The following SLC24A4 variants were observed in gnomAD, a reference collection of about 807,000 sequenced individuals.
SLC24A4 encodes sodium/potassium/calcium exchanger 4.
SLC24A4 carries 53 observed loss-of-function variants against 79.0 expected under a neutral mutation model. That is an observed-to-expected ratio of 0.67 (90% CI 0.54 to 0.84). The LOEUF (loss-of-function observed/expected upper bound fraction) is 0.84, where lower values mean the gene tolerates loss of function less well. SLC24A4 is among the 40% of genes least tolerant of loss of function. The pLI, the probability that SLC24A4 is intolerant of heterozygous loss-of-function variation, is 0.00. For synonymous variants in SLC24A4, 323 were observed against 323.8 expected (o/e 1.00, Z 0.03); for missense variants, 731 against 822.0 (o/e 0.89, Z 1.35).
chr14:92,365,604 G>T (rs1467418371), intron 2 of SLC24A4, among the ~76,000 whole-genome samples: 1 of 152,218 alleles, frequency 6.6e-6, no homozygotes, highest in African/African-American at 2.4e-5. Context: ...TTATCTTACA[G>T]TGTGACATGT....
chr14:92,349,438 G>A lies in SLC24A4; in HGVS notation c.241+23460G>A, dbSNP rs1443710546. On this transcript the variant is annotated intron_variant, in intron 2 of 16. Coordinates refer to ENST00000532405, the MANE Select transcript of SLC24A4 (RefSeq NM_153646.4). ...GCCTCCCAAAGTGCTGGGATTACAG[G>A]CGTGAGCCACCGTGCCCAGCCTAGA... Among the ~76,000 whole-genome samples, 7 of 152,364 alleles carry A rather than the reference G, an allele frequency of 4.6e-5. No individual in the cohort carries two copies. The East Asian group carries it at 1.3e-3, about 29-fold the overall frequency.
intron 12 of SLC24A4, among the ~76,000 whole-genome samples, chr14:92,468,242 A>G (rs1454565316): frequency 1.3e-5 from 2 of 152,230 alleles, no homozygotes. Flanking sequence ...GAATTACAAA[A>G]CATTGTAGAA....
At chr14:92,343,796 A>G (rs1255814084) in intron 2 of SLC24A4, among the ~76,000 whole-genome samples, 2 of 151,172 alleles carry the variant, frequency 1.3e-5, no homozygotes, top group Non-Finnish European at 1.5e-5. Context: ...TCCGCCTCCC[A>G]GGTTCAAGGG....
rs774728688 is a variant in SLC24A4, at chr14:92,456,585, TC to T, written c.1234del (p.Leu412CysfsTer64). 6.2e-7 allele frequency: 1 copy of T among 1,613,772 alleles called. No individual in the cohort carries two copies. Among genetic ancestry groups the T allele is most frequent in the South Asian group, 1.1e-5 (1 of 91,072 alleles). On this transcript the variant is annotated frameshift_variant, in exon 12 of 17. Coordinates refer to ENST00000532405, the MANE Select transcript of SLC24A4 (RefSeq NM_153646.4). LOFTEE classifies it high-confidence loss of function. ...GAGCCAGAGCCGGTGGAGGCTGACT[TC>T]CTGTCCCCCTTCTCCGTGCCGGGTG... ...PPEPEPVEAD[F>X]LSPFSVPEAR...
At chr14:92,391,086 C>A (rs1436016310) in intron 2 of SLC24A4, among the ~76,000 whole-genome samples, 1 of 152,130 alleles carries the variant, frequency 6.6e-6, no homozygotes, top group Non-Finnish European at 1.5e-5. Context: ...ATGTCGCTTC[C>A]ACCGGTGAGA....
intron 3 of SLC24A4, among the ~76,000 whole-genome samples, chr14:92,438,931 C>T (rs1217343265): frequency 6.6e-6 from 1 of 152,204 alleles, no homozygotes; most frequent in Admixed American, 6.5e-5. Flanking sequence ...CTGCCCCCAT[C>T]CTGAAGCTAC....
At chr14:92,374,903 G>A (rs1888416127) in intron 2 of SLC24A4, among the ~76,000 whole-genome samples, 1 of 152,100 alleles carries the variant, frequency 6.6e-6, no homozygotes, top group Non-Finnish European at 1.5e-5. Context: ...ATGCATATGT[G>A]TTTTTGAGTC....
chr14:92,457,936 G>T (rs146353755), intron 12 of SLC24A4, among the ~76,000 whole-genome samples: 2 of 152,220 alleles, frequency 1.3e-5, no homozygotes, highest in African/African-American at 4.8e-5. Context: ...GGTAGGTGGC[G>T]TGGGCCTGGC....
chr14:92,337,417 T>C (rs910093329), intron 2 of SLC24A4, among the ~76,000 whole-genome samples: 1 of 151,872 alleles, frequency 6.6e-6, no homozygotes, highest in African/African-American at 2.4e-5. Context: ...ATGGACAGAG[T>C]CCCTCATCGT....
intron 12 of SLC24A4, among the ~76,000 whole-genome samples, chr14:92,479,324 A>G (rs1333690621): frequency 2.6e-5 from 4 of 152,200 alleles, no homozygotes; most frequent in Admixed American, 1.3e-4. Context: ...ATCGTTAAGT[A>G]TAAGTGCTAG....
At chr14:92,476,010 G>C (rs1040830065) in intron 12 of SLC24A4, among the ~76,000 whole-genome samples, 7 of 152,180 alleles carry the variant, frequency 4.6e-5, no homozygotes, top group African/African-American at 1.4e-4. Context: ...GGGCCAGATG[G>C]GGGTGGATGT....
intron 12 of SLC24A4, among the ~76,000 whole-genome samples, chr14:92,467,600 C>A (rs6575256): frequency 0.52 from 78,833 of 152,174 alleles, 22,806 homozygotes; most frequent in Non-Finnish European, 0.65. Flanking sequence ...CCAAGGGACA[C>A]TGTCGACCAA....
At chr14:92,404,082 G>GT (rs1715961270) in intron 2 of SLC24A4, among the ~76,000 whole-genome samples, 1 of 152,192 alleles carries the variant, frequency 6.6e-6, no homozygotes, top group South Asian at 2.1e-4. Context: ...TTAGAAAAGA[G>GT]TAAGTCTTAC....
In SLC24A4 at chr14:92,500,755, C is replaced by A. The variant is rs1053527721; in HGVS notation, c.*7127C>A. On this transcript the variant is annotated 3_prime_UTR_variant, in exon 17 of 17. Transcript: ENST00000532405. ...GGCTGAGTCTCCATTTCAGAGCACA[C>A]ACTCCCTGGCAGGGCGCCTCTGCCT... 4 of 152,338 alleles carry A rather than the reference C, an allele frequency of 2.6e-5. No homozygotes were observed. The highest frequency in any genetic ancestry group is 2.0e-4 in the Admixed American group (3 of 15,288). 9.4% of individuals were successfully genotyped at this position (152,338 alleles called of 1,614,324 possible).
intron 2 of SLC24A4, among the ~76,000 whole-genome samples, chr14:92,428,603 C>G (rs8010788): frequency 0.49 from 74,341 of 152,112 alleles, 19,109 homozygotes; most frequent in East Asian, 0.78. Context: ...TATAGGACGG[C>G]TGAGGAATGA....
At chr14:92,488,968 C>T (rs975556200) in intron 14 of SLC24A4, among the ~76,000 whole-genome samples, 3 of 152,148 alleles carry the variant, frequency 2.0e-5, no homozygotes, top group African/African-American at 4.8e-5. Flanking sequence ...AACAAAGGGT[C>T]TCTGTTAGGA....
At chr14:92,375,718 C>T (rs944194650) in intron 2 of SLC24A4, among the ~76,000 whole-genome samples, 1 of 152,154 alleles carries the variant, frequency 6.6e-6, no homozygotes, top group African/African-American at 2.4e-5. Flanking sequence ...GGCCGCATAC[C>T]GTATGATTTA....
intron 12 of SLC24A4, among the ~76,000 whole-genome samples, chr14:92,466,073 C>T (rs1566789145): frequency 6.6e-6 from 1 of 152,186 alleles, no homozygotes. Context: ...AGGACAGTGT[C>T]GCTAAGAGGC....
intron 2 of SLC24A4, among the ~76,000 whole-genome samples, chr14:92,409,627 C>T (rs1182380370): frequency 2.6e-5 from 4 of 152,198 alleles, no homozygotes; most frequent in Non-Finnish European, 5.9e-5. Context: ...CCCCAGTCTT[C>T]CCTAACATGC....
Sources: allele counts gnomAD v4.1 joint callset (sites outside exome capture counted in the v4.1 genomes callset), GRCh38; gene constraint gnomAD v4.1.1; transcripts MANE v1.5; gene names NCBI Gene and HGNC (gene_info 2026-07-23, HGNC 2026-07-21).